RANBP2: variants seen among roughly 807,000 people sequenced by gnomAD.
The protein encoded by RANBP2 is E3 SUMO-protein ligase RanBP2.
RANBP2 carries 57 observed loss-of-function variants against 303.6 expected under a neutral mutation model. The observed-to-expected ratio is 0.19, with a 90% confidence interval of 0.15 to 0.23. The LOEUF (loss-of-function observed/expected upper bound fraction) is 0.23, where lower values mean the gene tolerates loss of function less well. Among genes scored for constraint, RANBP2 ranks in the 10% least tolerant of loss-of-function variants. The probability of loss-of-function intolerance (pLI) is 1.00; values close to 1 mark genes in which losing one functional copy is unlikely to be tolerated. For synonymous variants in RANBP2, 1,167 were observed against 1,301.5 expected (o/e 0.90, Z 2.23); for missense variants, 3,138 against 3,780.8 (o/e 0.83, Z 4.46).
the RANBP2 span, among the ~76,000 whole-genome samples, chr2:108,984,409 C>T: frequency 6.6e-6 from 1 of 152,188 alleles, no homozygotes; most frequent in Non-Finnish European, 1.5e-5. Context: ...CTTTCCATCA[C>T]CCTCAATGAG....
chr2:109,135,859 C>T, the RANBP2 span, among the ~76,000 whole-genome samples: 1 of 152,076 alleles, frequency 6.6e-6, no homozygotes, highest in Non-Finnish European at 1.5e-5. Context: ...ATGATTCTTA[C>T]AAACTTCATT....
At chr2:109,537,044 G>A in the RANBP2 span, among the ~76,000 whole-genome samples, 1 of 152,330 alleles carries the variant, frequency 6.6e-6, no homozygotes, top group African/African-American at 2.4e-5. Flanking sequence ...CGTGAAAACA[G>A]ACTAATACAC....
chr2:109,264,390 C>T, the RANBP2 span, among the ~76,000 whole-genome samples: 1 of 151,870 alleles, frequency 6.6e-6, no homozygotes, highest in Non-Finnish European at 1.5e-5. Context: ...CCAGGATCCA[C>T]CTCGAGTCTG....
chr2:109,469,881 A>G, the RANBP2 span, among the ~76,000 whole-genome samples: 1 of 152,184 alleles, frequency 6.6e-6, no homozygotes, highest in African/African-American at 2.4e-5. Context: ...CTGCAACCAC[A>G]ACCTCAGACA....
At chr2:109,676,774 C>T in the RANBP2 span, among the ~76,000 whole-genome samples, 2 of 152,140 alleles carry the variant, frequency 1.3e-5, no homozygotes, top group Admixed American at 6.5e-5. Context: ...TGAGCTCTGC[C>T]ACGCCCAGCA....
the RANBP2 span, among the ~76,000 whole-genome samples, chr2:109,494,118 A>G: frequency 6.6e-6 from 1 of 152,186 alleles, no homozygotes; most frequent in African/African-American, 2.4e-5. Flanking sequence ...CTTCTTCCCC[A>G]GACCCCTCAA....
chr2:108,797,467 A>G, the RANBP2 span, among the ~76,000 whole-genome samples: 1 of 152,324 alleles, frequency 6.6e-6, no homozygotes, highest in East Asian at 1.9e-4. Context: ...AGCCAGTCTT[A>G]AGTGAGTTGA....
the RANBP2 span, among the ~76,000 whole-genome samples, chr2:109,306,353 G>T: frequency 1.3e-5 from 2 of 152,184 alleles, no homozygotes; most frequent in African/African-American, 2.4e-5. Context: ...CAACCCCTGC[G>T]CATACTCCAG....
the RANBP2 span, among the ~76,000 whole-genome samples, chr2:109,685,888 A>G: frequency 2.0e-4 from 30 of 152,302 alleles, no homozygotes; most frequent in Middle Eastern, 3.4e-3. Flanking sequence ...AAGAGCATGG[A>G]ACAAAAGGAG....
At chr2:109,023,317 A>C in the RANBP2 span, among the ~76,000 whole-genome samples, 1 of 152,232 alleles carries the variant, frequency 6.6e-6, no homozygotes, top group Admixed American at 6.5e-5. Context: ...TACAAATATG[A>C]CCTAGGAAAC....
At chr2:109,574,712 C>A in the RANBP2 span, 7 of 1,605,586 alleles carry the variant, frequency 4.4e-6, no homozygotes, top group South Asian at 4.5e-5. Flanking sequence ...ATCTTCAGTT[C>A]TTCTTGGAGA....
the RANBP2 span, among the ~76,000 whole-genome samples, chr2:108,907,352 TAAAAAC>T: frequency 6.6e-6 from 1 of 152,080 alleles, no homozygotes; most frequent in African/African-American, 2.4e-5. Flanking sequence ...AGCTATATAA[TAAAAAC>T]AAAGTGGCTG....
the RANBP2 span, among the ~76,000 whole-genome samples, chr2:109,333,146 TTG>T: frequency 6.6e-6 from 1 of 152,212 alleles, no homozygotes; most frequent in Non-Finnish European, 1.5e-5. Flanking sequence ...AGTCCCAGGG[TTG>T]ATCTTGCTCG....
intron 17 of RANBP2, among the ~76,000 whole-genome samples, chr2:108,755,950 C>G (rs1676284025): frequency 6.6e-6 from 1 of 152,138 alleles, no homozygotes; most frequent in African/African-American, 2.4e-5. Context: ...TTTTGAACTT[C>G]TGACCTCAGG....
the RANBP2 span, among the ~76,000 whole-genome samples, chr2:109,428,972 G>C: frequency 2.0e-5 from 3 of 152,300 alleles, no homozygotes; most frequent in African/African-American, 7.2e-5. Flanking sequence ...GAGTGCAGGG[G>C]ACGCCATCCA....
chr2:109,349,006 T>C, the RANBP2 span, among the ~76,000 whole-genome samples: 1 of 152,234 alleles, frequency 6.6e-6, no homozygotes, highest in Non-Finnish European at 1.5e-5. Flanking sequence ...CCTGTGTCTC[T>C]CTGTGTCAGT....
chr2:109,400,835 C>T, the RANBP2 span, among the ~76,000 whole-genome samples: 2 of 152,224 alleles, frequency 1.3e-5, no homozygotes, highest in East Asian at 3.9e-4. Flanking sequence ...TGGATGCTCC[C>T]ACAGCCTGTG....
the RANBP2 span, among the ~76,000 whole-genome samples, chr2:109,280,466 G>T: frequency 6.6e-6 from 1 of 152,138 alleles, no homozygotes; most frequent in African/African-American, 2.4e-5. Flanking sequence ...GAGCGGTGGG[G>T]AATCCCTTCT....
At chr2:109,737,790 T>C in the RANBP2 span, among the ~76,000 whole-genome samples, 1 of 152,140 alleles carries the variant, frequency 6.6e-6, no homozygotes, top group Non-Finnish European at 1.5e-5. Context: ...TGAAATGAAG[T>C]CTCATTGCAG....
Sources: allele counts gnomAD v4.1 joint callset (sites outside exome capture counted in the v4.1 genomes callset), GRCh38; gene constraint gnomAD v4.1.1; transcripts MANE v1.5; gene names NCBI Gene and HGNC (gene_info 2026-07-23, HGNC 2026-07-21).